MAGI2: variants seen among roughly 807,000 people sequenced by gnomAD.
MAGI2 encodes membrane-associated guanylate kinase, WW and PDZ domain-containing protein 2.
In MAGI2, 35 loss-of-function variants were observed where a neutral mutation model predicts 133.3. The ratio of observed to expected loss-of-function variants is 0.26; its 90% CI spans 0.20 to 0.35. The LOEUF is 0.35. Ranked by LOEUF, MAGI2 falls within the 10% of genes least tolerant of loss-of-function variation. MAGI2 has a pLI of 1.00. For missense variants in MAGI2, 1,636 were observed against 1,863.4 expected, an observed-to-expected ratio of 0.88 and a Z score of 2.25; for synonymous variants, 729 against 710.6, an observed-to-expected ratio of 1.03 and a Z score of -0.41.
chr7:78,767,114 C>T (rs371721035), intron 2 of MAGI2, among the ~76,000 whole-genome samples: 6 of 152,090 alleles, frequency 3.9e-5, no homozygotes, highest in African/African-American at 1.2e-4. Flanking sequence ...CTCGGCCTCC[C>T]GAGTAGCTGG....
intron 5 of MAGI2, among the ~76,000 whole-genome samples, chr7:78,499,920 T>C (rs1794467899): frequency 6.6e-6 from 1 of 152,240 alleles, no homozygotes; most frequent in Non-Finnish European, 1.5e-5. Context: ...TTTCTAGATA[T>C]GATTATTTTT....
chr7:78,349,507 A>G (rs1256981399), intron 7 of MAGI2, among the ~76,000 whole-genome samples: 1 of 152,186 alleles, frequency 6.6e-6, no homozygotes, highest in Non-Finnish European at 1.5e-5. Context: ...ACCTGCATGT[A>G]ATTATTTTCT....
chr7:79,358,744 C>T (rs777278510), intron 1 of MAGI2, among the ~76,000 whole-genome samples: 29 of 152,026 alleles, frequency 1.9e-4, no homozygotes, highest in Non-Finnish European at 3.4e-4. Context: ...CCTTTTACTC[C>T]CTCTGGAACC....
At chr7:78,540,314 G>A (rs1193570724) in intron 3 of MAGI2, among the ~76,000 whole-genome samples, 1 of 152,180 alleles carries the variant, frequency 6.6e-6, no homozygotes, top group Non-Finnish European at 1.5e-5. Flanking sequence ...CTCCCAGGCG[G>A]ATTATGGCTG....
At position 79,200,352 on chromosome 7, in the gene MAGI2, C is replaced by T. The variant is rs956481353; in HGVS notation, c.302-193146G>A. Among the ~76,000 whole-genome samples the T allele has an allele frequency of 2.6e-4, 39 of 151,676 alleles. 1 individual carries two copies. Among genetic ancestry groups the T allele is most frequent in the African/African-American group, 8.8e-4 (36 of 41,132 alleles). On this transcript the variant is annotated intron_variant, in intron 1 of 21. Coordinates refer to ENST00000354212, the MANE Select transcript of MAGI2 (RefSeq NM_012301.4). The stretch of plus-strand genomic sequence containing the variant: ...ACTTTCGGCCTGATATCTGTAACCC[C>T]AGCACTTAGGGAGGCTGAGGCAGGA...
intron 1 of MAGI2, among the ~76,000 whole-genome samples, chr7:79,431,342 A>C (rs1339735587): frequency 6.6e-6 from 1 of 152,224 alleles, no homozygotes; most frequent in Non-Finnish European, 1.5e-5. Context: ...TAGGGGAAAG[A>C]AAGAAGAGAA....
intron 21 of MAGI2, among the ~76,000 whole-genome samples, chr7:78,068,259 C>G (rs935710344): frequency 6.6e-6 from 1 of 152,190 alleles, no homozygotes; most frequent in African/African-American, 2.4e-5. Context: ...TCTAATGCTG[C>G]CACTGATCTG....
At chr7:79,271,666 A>AT (rs71518912) in intron 1 of MAGI2, among the ~76,000 whole-genome samples, 32,677 of 141,634 alleles carry the variant, frequency 0.23, 4,608 homozygotes, top group East Asian at 0.39. Context: ...GGTGTGAGTG[A>AT]TTTTTTTTTT....
At chr7:78,075,566 C>T (rs984330977) in intron 21 of MAGI2, among the ~76,000 whole-genome samples, 7 of 151,842 alleles carry the variant, frequency 4.6e-5, no homozygotes, top group African/African-American at 1.5e-4. Flanking sequence ...TTAGTAGAGA[C>T]GGGGTTTCAC....
At chr7:78,336,831 T>G (rs1477190958) in intron 9 of MAGI2, among the ~76,000 whole-genome samples, 2 of 152,116 alleles carry the variant, frequency 1.3e-5, no homozygotes, top group African/African-American at 4.8e-5. Flanking sequence ...GCTAGGATGC[T>G]CGCGAGTTTT....
intron 20 of MAGI2, among the ~76,000 whole-genome samples, chr7:78,108,047 C>A (rs1156916142): frequency 1.3e-5 from 2 of 151,698 alleles, no homozygotes; most frequent in Non-Finnish European, 1.5e-5. Context: ...TTTTCTAATT[C>A]TTTAAGATGC....
chr7:79,435,230 G>C (rs995671046), intron 1 of MAGI2, among the ~76,000 whole-genome samples: 3 of 152,196 alleles, frequency 2.0e-5, no homozygotes, highest in African/African-American at 7.2e-5. Flanking sequence ...AACTGTTACA[G>C]AGAAAGAGAA....
At chr7:78,236,003 T>C (rs972167714) in intron 10 of MAGI2, among the ~76,000 whole-genome samples, 6 of 151,402 alleles carry the variant, frequency 4.0e-5, no homozygotes, top group African/African-American at 1.5e-4. Context: ...AGTTTTTCCT[T>C]ATCTAATTCA....
At chr7:78,840,750 T>C (rs999595601) in intron 2 of MAGI2, among the ~76,000 whole-genome samples, 1 of 152,026 alleles carries the variant, frequency 6.6e-6, no homozygotes, top group Admixed American at 6.6e-5. Context: ...ATATGCGATT[T>C]GCAAACAGAC....
chr7:79,211,631 A>G (rs1276472601), intron 1 of MAGI2, among the ~76,000 whole-genome samples: 1 of 151,862 alleles, frequency 6.6e-6, no homozygotes, highest in Non-Finnish European at 1.5e-5. Context: ...CTGAATAGAA[A>G]GATTATAGGC....
intron 1 of MAGI2, among the ~76,000 whole-genome samples, chr7:79,280,371 ATAT>A (rs1426199625): frequency 6.6e-6 from 1 of 152,112 alleles, no homozygotes; most frequent in Non-Finnish European, 1.5e-5. Flanking sequence ...GGTAGGGTTG[ATAT>A]TGTATGTAGG....
intron 2 of MAGI2, among the ~76,000 whole-genome samples, chr7:78,970,243 A>G (rs1414107633): frequency 6.6e-6 from 1 of 152,106 alleles, no homozygotes; most frequent in Non-Finnish European, 1.5e-5. Context: ...TTTATAAGTG[A>G]CAGATACTTT....
At chr7:78,552,865 G>A (rs1391381292) in intron 3 of MAGI2, among the ~76,000 whole-genome samples, 4 of 152,068 alleles carry the variant, frequency 2.6e-5, no homozygotes, top group African/African-American at 7.2e-5. Flanking sequence ...AAACAAGTTC[G>A]AAGGCAGAGT....
intron 1 of MAGI2, among the ~76,000 whole-genome samples, chr7:79,035,684 C>T (rs28517516): frequency 0.14 from 21,432 of 152,104 alleles, 2,506 homozygotes; most frequent in African/African-American, 0.32. Context: ...ATCAAGTTCT[C>T]AATTTATTCT....
Sources: gnomAD v4.1 joint callset for allele counts (sites outside exome capture counted in the v4.1 genomes callset) on GRCh38, gnomAD v4.1.1 for gene constraint, MANE v1.5 for transcripts, NCBI Gene and HGNC (gene_info 2026-07-23, HGNC 2026-07-21) for gene names.